The following KANK3 variants were observed in gnomAD, a reference collection of about 807,000 sequenced individuals.
KANK3 encodes KN motif and ankyrin repeat domains 3.
KANK3 carries 61 observed loss-of-function variants against 65.4 expected under a neutral mutation model. The observed-to-expected ratio is 0.93, with a 90% CI of 0.76 to 1.15. The LOEUF (loss-of-function observed/expected upper bound fraction) is 1.15, where lower values mean the gene tolerates loss of function less well. Ranked by LOEUF, KANK3 falls within the 50% of genes most tolerant of loss-of-function variation. The probability of loss-of-function intolerance (pLI) is 0.00; values close to 1 mark genes in which losing one functional copy is unlikely to be tolerated. For synonymous variants in KANK3, 586 were observed against 543.3 expected, an observed-to-expected ratio of 1.08 and a Z score of -1.09; for missense variants, 1,187 against 1,178.8, an observed-to-expected ratio of 1.01 and a Z score of -0.10.
At chr19:8,332,987 T>TTTGGGGCCCCC in intron 7 of KANK3, 27 bp downstream of exon 7, 1 of 395,198 alleles carries the variant, frequency 2.5e-6, no homozygotes, top group East Asian at 6.5e-5. Context: ...TTTCCTGGTG[T>TTTGGGGCCCCC]CCCACCCACC....
chr19:8,335,971 G>C (rs1970630986), intron 2 of KANK3, among the ~76,000 whole-genome samples, 179 bp from the exon 3 acceptor site: 1 of 152,226 alleles, frequency 6.6e-6, no homozygotes, highest in Non-Finnish European at 1.5e-5. Flanking sequence ...TTCTAGGCCC[G>C]GGGGACACAG....
chr19:8,329,064 G>C (rs1489886991), intron 7 of KANK3, among the ~76,000 whole-genome samples: 2 of 151,640 alleles, frequency 1.3e-5, no homozygotes, highest in Non-Finnish European at 2.9e-5. Context: ...CCAGCTGCTG[G>C]GGAGGCTGAG....
intron 7 of KANK3, among the ~76,000 whole-genome samples, chr19:8,331,044 T>C (rs1395883102): frequency 2.0e-5 from 3 of 149,188 alleles, no homozygotes; most frequent in African/African-American, 7.4e-5. Flanking sequence ...AGTACAAAAA[T>C]TAGCCGGGCG....
At chr19:8,336,717 G>A (rs1196041542) in intron 2 of KANK3, among the ~76,000 whole-genome samples, 1 of 139,588 alleles carries the variant, frequency 7.2e-6, no homozygotes, top group African/African-American at 2.8e-5. Flanking sequence ...TCCAGACTGG[G>A]TGACAGAGTG....
intron 7 of KANK3, among the ~76,000 whole-genome samples, chr19:8,326,527 C>T (rs1181639872): frequency 6.9e-6 from 1 of 145,724 alleles, no homozygotes; most frequent in Non-Finnish European, 1.5e-5. Flanking sequence ...GTGGCTCACG[C>T]CTTTAATCCC....
At position 8,337,796 on chromosome 19, in the gene KANK3, G is replaced by A. The variant is rs147719092; in HGVS notation, c.33C>T (p.Pro11=). 5.6e-4 allele frequency: 904 copies of A among 1,613,042 alleles called. 8 individuals carry two copies. The African/African-American group carries it at 0.011, about 19-fold the overall frequency. The change falls in exon 2 of 11, where the codon CCC becomes CCT. Residue 11 remains proline (P), a splice_region_variant and synonymous_variant. Transcript: ENST00000330915. The stretch of plus-strand genomic sequence containing the variant: ...ACATCTCTCTTTTTGCACACTCACC[G>A]GGCAGGTTCTGATTCAGGGCAAACT... MAKFALNQNL[P]DLGGPRLCPV...
intron 7 of KANK3, among the ~76,000 whole-genome samples, chr19:8,329,527 A>G (rs1970489584): frequency 6.7e-6 from 1 of 149,228 alleles, no homozygotes; most frequent in Non-Finnish European, 1.5e-5. Context: ...AAGACTAACT[A>G]TAGAATGCTC....
In KANK3 at chr19:8,333,904, G is replaced by A. The variant is rs1267432424; in HGVS notation, c.1634+6C>T. 7 of 1,577,342 alleles carry A rather than the reference G, an allele frequency of 4.4e-6. No individual in the cohort carries two copies. The highest frequency in any genetic ancestry group is 1.7e-4 in the Middle Eastern group (1 of 5,944). ...CCTCTCCAAACAACTAGCGAGCGCC[G>A]CTCACCTCCCCTGTGCCACCTGCTG... On this transcript the variant is annotated splice_donor_region_variant and intron_variant, in intron 5 of 10. Transcript: ENST00000330915. This position sits in a 1 kb window ranked among gnomAD's most constrained non-coding sequence, Gnocchi z 5.0.
intron 7 of KANK3, among the ~76,000 whole-genome samples, chr19:8,332,589 C>T (rs1970545146): frequency 2.0e-5 from 3 of 151,470 alleles, no homozygotes; most frequent in Admixed American, 2.0e-4. Context: ...GAGGCCGGGG[C>T]AGGCAGATCA....
In KANK3 at chr19:8,333,573, G is replaced by T; in HGVS notation, c.1719+151C>A. The T allele has an allele frequency of 1.5e-6, 1 of 672,796 alleles. No homozygotes were observed. The highest frequency in any genetic ancestry group is 2.4e-6 in the Non-Finnish European group (1 of 418,598). The allele number at this position is 672,796 out of a possible 1,614,324, so 41.7% of individuals were successfully genotyped here. ...GGGAAACCAAGGAAAGATCGGCGCT[G>T]TCCTGGGAAGGAGATCCCTTCGGAG... is the stretch of plus-strand genomic sequence containing the variant. On this transcript the variant is annotated intron_variant, in intron 6 of 10. Transcript: ENST00000330915. This position sits in a 1 kb window ranked among gnomAD's most constrained non-coding sequence, Gnocchi z 5.0.
At position 8,341,530 on chromosome 19, in the gene KANK3, C is replaced by G. The variant is rs151140322; in HGVS notation, c.-29+1695G>C. Among the ~76,000 whole-genome samples the G allele has an allele frequency of 9.1e-3, 1,379 of 152,288 alleles. 20 individuals are homozygous for G. Among genetic ancestry groups the G allele is most frequent in the African/African-American group, 0.032 (1,311 of 41,572 alleles). On this transcript the variant is annotated intron_variant, in intron 1 of 10. Transcript: ENST00000330915. ...GGTTCAAGTGATTCTCCTGCCTCAG[C>G]CTCCCAAGCAGCTGGGATTACAGGT...
rs762541751 is a variant in KANK3 at position 8,324,954 on chromosome 19, A to T, written c.2079T>A (p.Ser693Arg). ...FCMGDVNAKA[S>R]QTGQTALMLA... ...CACAGTGGGGGCGCCCACGCACCTG[A>T]CTGGCCTTGGCATTGACATCACCCA... Residue 693 changes from serine to arginine, a missense_variant, in exon 8 of 11, where the codon AGT becomes AGA. By Grantham distance (110) the Ser-to-Arg change is moderately radical. Transcript: ENST00000330915. 2 of 1,613,346 alleles carry T rather than the reference A, an allele frequency of 1.2e-6. No individual in the cohort carries two copies. Among genetic ancestry groups the T allele is most frequent in the Non-Finnish European group, 8.5e-7 (1 of 1,179,656 alleles).
In KANK3 at chr19:8,340,892, A is replaced by G. The variant is rs117968162; in HGVS notation, c.-29+2333T>C. Among the ~76,000 whole-genome samples the G allele has an allele frequency of 2.3e-3, 348 of 152,280 alleles. 1 individual carries two copies. Among genetic ancestry groups the G allele is most frequent in the East Asian group, 0.018 (91 of 5,186 alleles). ...CAGAGGACAGCCAATGCCGTTCATCACTTGTTTTCAGGAAATTGCCAGGGA... is the reference window on the plus strand; with the variant it reads ...CAGAGGACAGCCAATGCCGTTCATCGCTTGTTTTCAGGAAATTGCCAGGGA... On this transcript the variant is annotated intron_variant, in intron 1 of 10. Transcript: ENST00000330915.
Position 8,334,776 on chromosome 19 carries a change from C to T in KANK3, c.1051G>A (p.Ala351Thr). The T allele has an allele frequency of 2.0e-6, 3 of 1,499,462 alleles. No individual in the cohort carries two copies. Among genetic ancestry groups the T allele is most frequent in the Admixed American group, 4.3e-5 (2 of 46,442 alleles). The allele number at this position is 1,499,462 out of a possible 1,614,324, so 92.9% of individuals were successfully genotyped here. A position where few individuals can be genotyped will look rare whatever the true frequency, so the allele number is the denominator to read the frequency against. The change falls in exon 3 of 11, where the codon GCC becomes ACC. Residue 351 changes from alanine (A) to threonine (T), a missense_variant. Physicochemically the swap from Ala to Thr is moderately conservative, Grantham distance 58 (BLOSUM62 0). Transcript: ENST00000330915. The part of the protein sequence containing the change: ...TEALLGLPAA[A>T]ERELELLRAS... ...CGCAGCAGCTCTAGCTCGCGCTCGG[C>T]GGCCGCAGGCAGCCCCAGCAGCGCC... is the stretch of plus-strand genomic sequence containing the variant.
chr19:8,331,132 G>T (rs1054059163), intron 7 of KANK3, among the ~76,000 whole-genome samples: 2 of 151,496 alleles, frequency 1.3e-5, no homozygotes, highest in Non-Finnish European at 2.9e-5. Flanking sequence ...GGCGTAGGTT[G>T]CAGTGAGCAG....
rs1211672661 is a variant in KANK3, at chr19:8,335,483, A to C, written c.344T>G (p.Leu115Arg). The change falls in exon 3 of 11, where the codon CTG becomes CGG. Residue 115 changes from leucine (L) to arginine (R), a missense_variant. This residue lies in a region of KANK3 where 1,078 missense variants were observed against 1,038.2 expected (regional missense o/e 1.04). Transcript: ENST00000330915. ...ILSQGAPSGL[L>R]MQPLSPRAPV... ...CGCGCGCGGCGACAGCGGCTGCATC[A>C]GGAGCCCCGAGGGCGCGCCCTGGGA... The C allele has an allele frequency of 1.6e-6, 2 of 1,237,232 alleles. No homozygotes were observed. Among genetic ancestry groups the C allele is most frequent in the African/African-American group, 1.6e-5 (1 of 63,794 alleles). The allele number at this position is 1,237,232 out of a possible 1,614,324, so 76.6% of individuals were successfully genotyped here. A position where few individuals can be genotyped will look rare whatever the true frequency, so the allele number is the denominator to read the frequency against.
chr19:8,337,915 C>T (rs1273953093), intron 1 of KANK3, 59 bp from the exon 2 acceptor site: 43 of 1,599,448 alleles, frequency 2.7e-5, no homozygotes, highest in Non-Finnish European at 3.6e-5. Flanking sequence ...CCTCTGGGGC[C>T]TGCCTTTGAG....
intron 1 of KANK3, among the ~76,000 whole-genome samples, chr19:8,342,234 C>T (rs572801573): frequency 2.0e-5 from 3 of 152,288 alleles, no homozygotes; most frequent in Non-Finnish European, 4.4e-5. Context: ...CTCAAGAGAT[C>T]AGCCCTACTT....
At chr19:8,341,194 C>T (rs1970719185) in intron 1 of KANK3, among the ~76,000 whole-genome samples, 1 of 151,530 alleles carries the variant, frequency 6.6e-6, no homozygotes, top group African/African-American at 2.4e-5. Context: ...ATGGGCCAGC[C>T]TCTAGTCTAA....
Sources: allele counts gnomAD v4.1 joint callset (sites outside exome capture counted in the v4.1 genomes callset), GRCh38; gene constraint gnomAD v4.1.1; regional missense constraint gnomAD v4.1.1; non-coding constraint Gnocchi (gnomAD v3.1); transcripts MANE v1.5; gene names NCBI Gene and HGNC (gene_info 2026-07-23, HGNC 2026-07-21).